RIMKLB: variants seen among roughly 807,000 people sequenced by gnomAD.
RIMKLB encodes beta-citrylglutamate synthase B.
Under a neutral mutation model 32.0 loss-of-function variants are expected in RIMKLB, and 7 were observed. That is an observed-to-expected ratio of 0.22 (90% CI 0.12 to 0.41). The LOEUF is 0.41. RIMKLB is among the 10% of genes least tolerant of loss of function. RIMKLB has a pLI of 1.00. For missense variants in RIMKLB, 289 were observed against 498.7 expected, an observed-to-expected ratio of 0.58 and a Z score of 4.00; for synonymous variants, 172 against 185.1, an observed-to-expected ratio of 0.93 and a Z score of 0.57.
At chr12:8,723,804 CTTT>C (rs35269536) in intron 2 of RIMKLB, among the ~76,000 whole-genome samples, 169 of 75,504 alleles carry the variant, frequency 2.2e-3, no homozygotes, top group African/African-American at 7.8e-3. Flanking sequence ...CTTCAGTTCC[CTTT>C]TTTTTTTTTT....
intron 5 of RIMKLB, among the ~76,000 whole-genome samples, chr12:8,766,087 T>C (rs1482730459): frequency 6.6e-6 from 1 of 151,988 alleles, no homozygotes; most frequent in African/African-American, 2.4e-5. Context: ...GGAGATGTAC[T>C]TTGCCTTGGG....
exon 1 of RIMKLB, chr12:8,681,623 G>A (rs1591586557): frequency 6.6e-6 from 1 of 152,318 alleles, no homozygotes; most frequent in Middle Eastern, 3.4e-3. Context: ...AAGCAGGCTG[G>A]AGAGGGGGCT....
intron 5 of RIMKLB, among the ~76,000 whole-genome samples, chr12:8,771,159 A>T (rs1950366058): frequency 6.6e-6 from 1 of 152,182 alleles, no homozygotes; most frequent in South Asian, 2.1e-4. Context: ...CCATGTAAAA[A>T]TGTAATTGGA....
chr12:8,764,111 G>A (rs1250406857), intron 5 of RIMKLB, among the ~76,000 whole-genome samples: 1 of 152,154 alleles, frequency 6.6e-6, no homozygotes, highest in Non-Finnish European at 1.5e-5. Context: ...TTGGAGTATT[G>A]TAGGGGCTAC....
downstream of RIMKLB, among the ~76,000 whole-genome samples, chr12:8,781,369 A>G (rs1951022374): frequency 4.6e-5 from 7 of 152,272 alleles, no homozygotes; most frequent in South Asian, 1.5e-3. Flanking sequence ...AAACTAAAAG[A>G]TTCTTCCCTT....
chr12:8,751,855 C>T (rs1948645490), intron 3 of RIMKLB, 102 bp from the exon 4 acceptor site: 1 of 738,722 alleles, frequency 1.4e-6, no homozygotes, highest in East Asian at 2.5e-5. Context: ...AGGCTCTTAC[C>T]TTCAACTTCC....
intron 1 of RIMKLB, among the ~76,000 whole-genome samples, chr12:8,691,546 G>T (rs1392129186): frequency 2.0e-5 from 3 of 152,128 alleles, no homozygotes; most frequent in South Asian, 2.1e-4. Context: ...GGAGGCAAAG[G>T]TTGGAGTAGA....
intron 2 of RIMKLB, among the ~76,000 whole-genome samples, chr12:8,719,710 A>T (rs1250431813): frequency 2.6e-5 from 4 of 152,198 alleles, no homozygotes; most frequent in Non-Finnish European, 5.9e-5. Flanking sequence ...ATTATTGAGG[A>T]TCTACTTAGT....
chr12:8,763,841 G>C (rs1034765280), intron 5 of RIMKLB, among the ~76,000 whole-genome samples: 6 of 152,216 alleles, frequency 3.9e-5, no homozygotes, highest in Admixed American at 6.5e-5. Flanking sequence ...CTGAACCCTT[G>C]AGGTAAAACA....
the RIMKLB span, among the ~76,000 whole-genome samples, chr12:8,674,387 C>T: frequency 8.0e-5 from 12 of 150,770 alleles, no homozygotes; most frequent in South Asian, 2.1e-4. Flanking sequence ...TACAAGTGCC[C>T]GCCACCACGC....
intron 5 of RIMKLB, among the ~76,000 whole-genome samples, chr12:8,772,194 TA>T (rs1378134183): frequency 2.0e-5 from 3 of 152,242 alleles, no homozygotes; most frequent in African/African-American, 4.8e-5. Flanking sequence ...CCAAATTTTT[TA>T]TCTTTATGAT....
chr12:8,698,464 G>T (rs1943055673), intron 1 of RIMKLB, among the ~76,000 whole-genome samples, 167 bp downstream of exon 1: 1 of 152,068 alleles, frequency 6.6e-6, no homozygotes, highest in South Asian at 2.1e-4. Flanking sequence ...GAGGCCGGTG[G>T]TCGCCGCTCC....
At chr12:8,779,305 C>G (rs772709161), downstream of RIMKLB, 2 of 152,044 alleles carry the variant, frequency 1.3e-5, no homozygotes, top group Non-Finnish European at 2.9e-5. Flanking sequence ...GCATATATAC[C>G]TGGCTGCTAT....
chr12:8,685,510 G>A (rs975743697), intron 1 of RIMKLB, among the ~76,000 whole-genome samples: 1 of 151,448 alleles, frequency 6.6e-6, no homozygotes, highest in African/African-American at 2.5e-5. Context: ...TTCAAATATT[G>A]AGTCTGCCTT....
chr12:8,745,693 C>CTTTTTT (rs754631863), intron 2 of RIMKLB, among the ~76,000 whole-genome samples: 1 of 136,094 alleles, frequency 7.3e-6, no homozygotes, highest in Non-Finnish European at 1.6e-5. Context: ...TGCACCCAGC[C>CTTTTTT]TTTTTTTTTT....
chr12:8,724,381 C>A (rs1485817312), intron 2 of RIMKLB, among the ~76,000 whole-genome samples: 6 of 151,994 alleles, frequency 3.9e-5, no homozygotes, highest in Non-Finnish European at 8.8e-5. Context: ...TGTAAATCTC[C>A]ATTTCTTTAG....
In RIMKLB at chr12:8,708,583, C is replaced by T. The variant is rs1347003569; in HGVS notation, c.-56-5228C>T. On this transcript the variant is annotated intron_variant, in intron 1 of 5. Transcript: ENST00000535829. Reference sequence around the variant, plus strand: ...AAGAAACAACACTAAGTTTTAGATCCCAGGATGTTGACTTGAAAAACTTTT... The same window carrying T: ...AAGAAACAACACTAAGTTTTAGATCTCAGGATGTTGACTTGAAAAACTTTT... 2.0e-5 allele frequency among the ~76,000 whole-genome samples: 3 copies of T among 151,964 alleles called. No homozygotes were observed. In the East Asian group the frequency reaches 5.8e-4, roughly 29 times the overall value.
chr12:8,764,941 T>C (rs1009299927), intron 5 of RIMKLB, among the ~76,000 whole-genome samples: 4 of 150,170 alleles, frequency 2.7e-5, no homozygotes, highest in African/African-American at 9.8e-5. Context: ...AGCAGTGGCC[T>C]TTTTCTTATC....
chr12:8,703,937 G>A (rs191096443), intron 1 of RIMKLB, among the ~76,000 whole-genome samples: 1 of 152,112 alleles, frequency 6.6e-6, no homozygotes, highest in Non-Finnish European at 1.5e-5. Context: ...TGATTTCTTT[G>A]TAGAAAAAAA....
Sources: allele counts gnomAD v4.1 joint callset (sites outside exome capture counted in the v4.1 genomes callset), GRCh38; gene constraint gnomAD v4.1.1; transcripts MANE v1.5; gene names NCBI Gene and HGNC (gene_info 2026-07-23, HGNC 2026-07-21).